Variants in LSM11 observed in about 807,000 individuals in gnomAD.
The protein encoded by LSM11 is U7 snRNA-associated Sm-like protein LSm11.
In LSM11, 14 loss-of-function variants were observed where a neutral mutation model predicts 28.1. The observed-to-expected ratio is 0.50, with a 90% confidence interval of 0.33 to 0.78. The LOEUF (loss-of-function observed/expected upper bound fraction) is 0.78, where lower values mean the gene tolerates loss of function less well. Among genes scored for constraint, LSM11 ranks in the 30% least tolerant of loss-of-function variants. LSM11 has a pLI of 0.02. For missense variants in LSM11, 495 were observed against 510.6 expected (o/e 0.97, Z 0.30); for synonymous variants, 207 against 214.2 (o/e 0.97, Z 0.30).
In LSM11 at chr5:157,757,049, C is replaced by T. The variant is rs1761338972; in HGVS notation, c.*1785C>T. On this transcript the variant is annotated 3_prime_UTR_variant, in exon 4 of 4. Coordinates refer to ENST00000286307, the MANE Select transcript of LSM11 (RefSeq NM_173491.4). ...GGCGTGGTGGCGGGCGCCTGTAGTC[C>T]CAGCTACGTGGGTGGCTGAGGCAGG... 1.3e-5 allele frequency: 2 copies of T among 152,428 alleles called. No individual in the cohort carries two copies. The highest frequency in any genetic ancestry group is 4.2e-4 in the South Asian group (2 of 4,814). The allele number at this position is 152,428 out of a possible 1,614,324, so 9.4% of individuals were successfully genotyped here. A position where few individuals can be genotyped will look rare whatever the true frequency, so the allele number is the denominator to read the frequency against.
In LSM11 at chr5:157,755,115, A is replaced by G. The variant is rs750562286; in HGVS notation, c.934A>G (p.Thr312Ala). Residue 312 changes from threonine (T) to alanine (A), a missense_variant, in exon 4 of 4, where the codon ACC becomes GCC. Transcript: ENST00000286307. ...TRTDGSSVGG[T>A]FSRATTLSRG... ...GACAGACGGCTCCAGTGTGGGAGGT[A>G]CCTTTTCCAGGGCTACCACCCTTTC... is the stretch of plus-strand genomic sequence containing the variant. 15 of 1,614,120 alleles carry G rather than the reference A, an allele frequency of 9.3e-6. No individual in the cohort carries two copies. The highest frequency in any genetic ancestry group is 1.2e-5 in the Non-Finnish European group (14 of 1,180,044).
intron 1 of LSM11, among the ~76,000 whole-genome samples, chr5:157,749,588 G>GCGCACACA (rs745839236): frequency 3.4e-4 from 48 of 142,388 alleles, no homozygotes; most frequent in African/African-American, 1.2e-3. Context: ...GCGCACGCGC[G>GCGCACACA]CACACACACA....
At chr5:157,753,510 G>C (rs948894091) in intron 2 of LSM11, among the ~76,000 whole-genome samples, 1 of 152,098 alleles carries the variant, frequency 6.6e-6, no homozygotes, top group Non-Finnish European at 1.5e-5. Context: ...GTGTAACCCT[G>C]GTTAATCTCT....
Position 157,743,785 on chromosome 5 carries a change from G to C in LSM11, c.35G>C (p.Gly12Ala), listed in dbSNP as rs1277608752. Reference sequence around the variant, plus strand: ...CGGGAGCGGGGGGCGAGGTCGGCTGGCGCCGGGAGCCCCGCGCGCCCGCCC... The same window carrying C: ...CGGGAGCGGGGGGCGAGGTCGGCTGCCGCCGGGAGCCCCGCGCGCCCGCCC... ...EERERGARSA[G>A]AGSPARPPSP... Residue 12 changes from glycine (G) to alanine (A), a missense_variant, in exon 1 of 4, where the codon GGC becomes GCC. Physicochemically the swap from Gly to Ala is moderately conservative, Grantham distance 60 (BLOSUM62 0). Transcript: ENST00000286307. 5 of 1,435,904 alleles carry C rather than the reference G, an allele frequency of 3.5e-6. No homozygotes were observed. Among genetic ancestry groups the C allele is most frequent in the Non-Finnish European group, 4.6e-6 (5 of 1,097,622 alleles). 88.9% of individuals were successfully genotyped at this position (1,435,904 alleles called of 1,614,324 possible). A position where few individuals can be genotyped will look rare whatever the true frequency, so the allele number is the denominator to read the frequency against.
rs1254585067 is a variant in LSM11, at chr5:157,760,487, A to T, written c.*5223A>T. ...ATTAATGTTTTTTTAGACAAGGCTA[A>T]ACCTGAATGACTCTACGTATCTATA... On this transcript the variant is annotated 3_prime_UTR_variant, in exon 4 of 4. Coordinates refer to ENST00000286307, the MANE Select transcript of LSM11 (RefSeq NM_173491.4). 1 of 152,208 alleles carries T rather than the reference A, an allele frequency of 6.6e-6. No homozygotes were observed. Among genetic ancestry groups the T allele is most frequent in the Non-Finnish European group, 1.5e-5 (1 of 68,040 alleles). The allele number at this position is 152,208 out of a possible 1,614,324, so 9.4% of individuals were successfully genotyped here.
chr5:157,754,962 T>C lies in LSM11; in HGVS notation c.781T>C (p.Leu261=), dbSNP rs770885874. The part of the protein sequence containing the change: ...SRYSQTSTWK[L]ASVWGRADTG... ...ATACTCACAGACATCCACTTGGAAG[T>C]TGGCTTCAGTGTGGGGAAGAGCAGA... Residue 261 remains leucine, a synonymous_variant, in exon 4 of 4, where the codon TTG becomes CTG. Coordinates refer to ENST00000286307, the MANE Select transcript of LSM11 (RefSeq NM_173491.4). 9.3e-6 allele frequency: 15 copies of C among 1,614,124 alleles called. No homozygotes were observed. The highest frequency in any genetic ancestry group is 2.2e-5 in the East Asian group (1 of 44,886).
intron 1 of LSM11, among the ~76,000 whole-genome samples, chr5:157,747,010 T>A (rs1761158109): frequency 6.6e-6 from 1 of 152,238 alleles, no homozygotes; most frequent in Non-Finnish European, 1.5e-5. Flanking sequence ...TCATTAAGCC[T>A]AAGCCATCAC....
rs916128592 is a variant in LSM11 at position 157,760,483 on chromosome 5, G to A, written c.*5219G>A. On this transcript the variant is annotated 3_prime_UTR_variant, in exon 4 of 4. Transcript: ENST00000286307. ...ACTTATTAATGTTTTTTTAGACAAG[G>A]CTAAACCTGAATGACTCTACGTATC... The A allele has an allele frequency of 2.6e-5, 4 of 152,084 alleles. No homozygotes were observed. The highest frequency in any genetic ancestry group is 5.9e-5 in the Non-Finnish European group (4 of 68,042). 9.4% of individuals were successfully genotyped at this position (152,084 alleles called of 1,614,324 possible).
intron 2 of LSM11, among the ~76,000 whole-genome samples, chr5:157,753,555 G>A (rs1004376023): frequency 4.6e-5 from 7 of 152,072 alleles, no homozygotes; most frequent in South Asian, 2.1e-4. Context: ...AAACTGAAGC[G>A]GGTAAAGAAG....
In LSM11 at chr5:157,758,120, C is replaced by G. The variant is rs936152890; in HGVS notation, c.*2856C>G. 2.0e-5 allele frequency: 3 copies of G among 152,166 alleles called. No homozygotes were observed. The highest frequency in any genetic ancestry group is 4.4e-5 in the Non-Finnish European group (3 of 68,028). The allele number at this position is 152,166 out of a possible 1,614,324, so 9.4% of individuals were successfully genotyped here. On this transcript the variant is annotated 3_prime_UTR_variant, in exon 4 of 4. Transcript: ENST00000286307. Reference sequence around the variant, plus strand: ...TCATTTTTAAAGATTACTCCCTTTTCTTTCTCTCTTTTTTTTGAGACAATT... The same window carrying G: ...TCATTTTTAAAGATTACTCCCTTTTGTTTCTCTCTTTTTTTTGAGACAATT...
intron 1 of LSM11, among the ~76,000 whole-genome samples, chr5:157,744,977 G>T (rs1294743702): frequency 6.6e-6 from 1 of 152,100 alleles, no homozygotes; most frequent in African/African-American, 2.4e-5. Context: ...TGTCTGTCAG[G>T]CTCATATTAC....
chr5:157,751,292 G>A (rs1000335952), intron 1 of LSM11, 98 bp from the exon 2 acceptor site: 8 of 1,334,030 alleles, frequency 6.0e-6, no homozygotes, highest in Non-Finnish European at 8.1e-6. Flanking sequence ...ACTCTACCAT[G>A]GGCCACATGT....
At position 157,759,159 on chromosome 5, in the gene LSM11, C is replaced by T. The variant is rs977350161; in HGVS notation, c.*3895C>T. ...GCCAAGAAACCGTTGGCATTAAAAT[C>T]TAGATGCATAGAGATCCTTGCTATG... On this transcript the variant is annotated 3_prime_UTR_variant, in exon 4 of 4. Coordinates refer to ENST00000286307, the MANE Select transcript of LSM11 (RefSeq NM_173491.4). 2 of 152,236 alleles carry T rather than the reference C, an allele frequency of 1.3e-5. No individual in the cohort carries two copies. Among genetic ancestry groups the T allele is most frequent in the African/African-American group, 4.8e-5 (2 of 41,442 alleles). 9.4% of individuals were successfully genotyped at this position (152,236 alleles called of 1,614,324 possible). A position where few individuals can be genotyped will look rare whatever the true frequency, so the allele number is the denominator to read the frequency against.
intron 2 of LSM11, among the ~76,000 whole-genome samples, chr5:157,753,029 C>T (rs1027094858): frequency 6.6e-6 from 1 of 152,070 alleles, no homozygotes; most frequent in African/African-American, 2.4e-5. Context: ...CTGAGGGCTT[C>T]ATATATTATC....
intron 1 of LSM11, among the ~76,000 whole-genome samples, chr5:157,747,959 A>T (rs1761171407): frequency 6.6e-6 from 1 of 151,854 alleles, no homozygotes; most frequent in African/African-American, 2.4e-5. Flanking sequence ...AGTGCAACTA[A>T]GGAATAGTCT....
chr5:157,743,793 A>G lies in LSM11; in HGVS notation c.43A>G (p.Ser15Gly), dbSNP rs2113064426. ...GGGGGCGAGGTCGGCTGGCGCCGGG[A>G]GCCCCGCGCGCCCGCCCAGCCCGCG... Reference protein sequence around the residue: ...ERGARSAGAGSPARPPSPRLD... With the variant: ...ERGARSAGAGGPARPPSPRLD... The change falls in exon 1 of 4, where the codon AGC (serine) becomes GGC (glycine). Residue 15 changes from serine (S) to glycine (G), a missense_variant. Transcript: ENST00000286307. 6.9e-7 allele frequency: 1 copy of G among 1,448,470 alleles called. No homozygotes were observed. The highest frequency in any genetic ancestry group is 1.4e-5 in the South Asian group (1 of 72,968). 89.7% of individuals were successfully genotyped at this position (1,448,470 alleles called of 1,614,324 possible).
At chr5:157,749,579 C>T (rs553089685) in intron 1 of LSM11, among the ~76,000 whole-genome samples, 1,597 of 86,126 alleles carry the variant, frequency 0.019, 10 homozygotes, top group Non-Finnish European at 0.026. Flanking sequence ...TACACGCGCG[C>T]GCACGCGCGC....
chr5:157,747,326 A>T (rs1761163597), intron 1 of LSM11, among the ~76,000 whole-genome samples: 1 of 152,208 alleles, frequency 6.6e-6, no homozygotes, highest in Non-Finnish European at 1.5e-5. Flanking sequence ...AAAAAGTGTT[A>T]TCATTACTTT....
intron 1 of LSM11, among the ~76,000 whole-genome samples, chr5:157,746,337 A>G (rs540750421): frequency 6.6e-6 from 1 of 152,250 alleles, no homozygotes; most frequent in African/African-American, 2.4e-5. Context: ...CAGCAAGAAG[A>G]AGCTTTGTTA....
Sources: allele counts gnomAD v4.1 joint callset (sites outside exome capture counted in the v4.1 genomes callset), GRCh38; gene constraint gnomAD v4.1.1; transcripts MANE v1.5; gene names NCBI Gene and HGNC (gene_info 2026-07-23, HGNC 2026-07-21).